The following KCNMA1 variants were observed in gnomAD, a reference collection of about 807,000 sequenced individuals.
KCNMA1 encodes the protein Calcium-activated potassium channel subunit alpha-1.
Under a neutral mutation model 140.0 loss-of-function variants are expected in KCNMA1, and 29 were observed. The observed-to-expected ratio is 0.21, with a 90% CI of 0.15 to 0.28. KCNMA1 has a LOEUF of 0.28. KCNMA1 is among the 10% of genes least tolerant of loss of function. The pLI is 1.00. For missense variants in KCNMA1, 880 were observed against 1,602.2 expected, an observed-to-expected ratio of 0.55 and a Z score of 7.70; for synonymous variants, 612 against 611.9, an observed-to-expected ratio of 1.00 and a Z score of 0.00.
At chr10:77,582,929 C>G (rs2076267784) in intron 1 of KCNMA1, among the ~76,000 whole-genome samples, 1 of 152,256 alleles carries the variant, frequency 6.6e-6, no homozygotes, top group South Asian at 2.1e-4. Context: ...GCACACATGA[C>G]AGGCCACCAG....
intron 19 of KCNMA1, among the ~76,000 whole-genome samples, chr10:76,988,631 A>C (rs942111521): frequency 5.9e-5 from 9 of 152,124 alleles, no homozygotes. Flanking sequence ...TTCTTTCCCC[A>C]TCTGTTCTCC....
At chr10:76,955,237 C>T (rs1240776433) in intron 20 of KCNMA1, among the ~76,000 whole-genome samples, 3 of 145,630 alleles carry the variant, frequency 2.1e-5, no homozygotes, top group African/African-American at 7.6e-5. Flanking sequence ...TCTGCAGAGG[C>T]TGACTTTTAT....
At chr10:77,000,500 G>T (rs1348189989) in intron 19 of KCNMA1, among the ~76,000 whole-genome samples, 2 of 152,114 alleles carry the variant, frequency 1.3e-5, no homozygotes, top group Admixed American at 1.3e-4. Flanking sequence ...GCTACCAGCT[G>T]CATAGCCTTG....
chr10:77,506,596 A>AGAGAGAGAGTGTGT, intron 1 of KCNMA1, among the ~76,000 whole-genome samples: 2,489 of 83,200 alleles, frequency 0.03, 158 homozygotes, highest in African/African-American at 0.087. Flanking sequence ...AGAGAGAGAG[A>AGAGAGAGAGTGTGT]GTGTGTGTGT....
rs2097207312 is a variant in KCNMA1, at chr10:77,106,822, C to T, written c.1223+1659G>A. 2.0e-5 allele frequency among the ~76,000 whole-genome samples: 3 copies of T among 152,246 alleles called. No homozygotes were observed. In the South Asian group the frequency reaches 6.2e-4, roughly 32 times the overall value. On this transcript the variant is annotated intron_variant, in intron 9 of 27. Coordinates refer to ENST00000286628, the MANE Select transcript of KCNMA1 (RefSeq NM_001161352.2). ...GACTTACTTGGCCTTTTGGATCCAA[C>T]CAATGGCCCAGAAATCAGAACAGCT...
At chr10:77,531,826 C>T (rs1308570366) in intron 1 of KCNMA1, among the ~76,000 whole-genome samples, 1 of 152,230 alleles carries the variant, frequency 6.6e-6, no homozygotes, top group Non-Finnish European at 1.5e-5. Context: ...AAAGAGGCAA[C>T]AAGGGACTTG....
At chr10:77,607,154 T>A (rs934362846) in intron 1 of KCNMA1, among the ~76,000 whole-genome samples, 52 of 152,202 alleles carry the variant, frequency 3.4e-4, no homozygotes, top group African/African-American at 1.2e-3. Context: ...CAGAAAAGGG[T>A]CTGAGTAGGA....
chr10:76,947,456 A>T (rs771119672), intron 22 of KCNMA1, among the ~76,000 whole-genome samples: 5 of 152,178 alleles, frequency 3.3e-5, no homozygotes, highest in Non-Finnish European at 5.9e-5. Flanking sequence ...ATCTCTCTCC[A>T]CACACATACA....
chr10:77,307,709 G>C (rs1420572447), intron 2 of KCNMA1, among the ~76,000 whole-genome samples: 8 of 152,124 alleles, frequency 5.3e-5, no homozygotes, highest in Admixed American at 5.2e-4. Context: ...ACCACGCCCA[G>C]CTAATTTTTT....
chr10:77,407,771 G>A (rs7097101), intron 1 of KCNMA1, among the ~76,000 whole-genome samples: 21,550 of 152,142 alleles, frequency 0.14, 1,548 homozygotes, highest in Middle Eastern at 0.21. Context: ...CACAGTCCCG[G>A]GCACACAGTG....
chr10:77,526,472 A>G (rs1567335398), intron 1 of KCNMA1, among the ~76,000 whole-genome samples: 1 of 152,258 alleles, frequency 6.6e-6, no homozygotes, highest in East Asian at 1.9e-4. Flanking sequence ...ACCCTTTCAA[A>G]TAAATGCCTG....
intron 2 of KCNMA1, among the ~76,000 whole-genome samples, chr10:77,402,268 G>C (rs951698585): frequency 2.6e-4 from 39 of 152,158 alleles, no homozygotes; most frequent in African/African-American, 9.4e-4. Context: ...AGGAGAGATA[G>C]AGGTGCTGTT....
At chr10:77,453,949 C>CT in intron 1 of KCNMA1, among the ~76,000 whole-genome samples, 1 of 152,108 alleles carries the variant, frequency 6.6e-6, no homozygotes, top group Non-Finnish European at 1.5e-5. Context: ...AGAATAGCAG[C>CT]GTCTCTGTAG....
intron 1 of KCNMA1, among the ~76,000 whole-genome samples, chr10:77,543,744 C>T (rs2060736847): frequency 6.6e-6 from 1 of 152,016 alleles, no homozygotes; most frequent in Admixed American, 6.5e-5. Flanking sequence ...ATGCTTGAGA[C>T]TAAACAACTC....
intron 2 of KCNMA1, among the ~76,000 whole-genome samples, chr10:77,323,651 AGCAAAGAGT>A (rs1370843605): frequency 2.0e-5 from 3 of 152,234 alleles, no homozygotes; most frequent in Non-Finnish European, 4.4e-5. Context: ...AGTTAGGGAG[AGCAAAGAGT>A]GCTAATTTAG....
chr10:77,554,853 C>A (rs1036515396), intron 1 of KCNMA1, among the ~76,000 whole-genome samples: 5 of 152,030 alleles, frequency 3.3e-5, no homozygotes, highest in African/African-American at 1.2e-4. Flanking sequence ...TCAAACTAGG[C>A]CCTCCTGGGG....
chr10:77,154,385 C>T (rs1597369542), intron 5 of KCNMA1, among the ~76,000 whole-genome samples: 2 of 152,212 alleles, frequency 1.3e-5, no homozygotes, highest in East Asian at 3.8e-4. Flanking sequence ...ACATCCAGCA[C>T]TGTGCAGCCA....
In KCNMA1 at chr10:76,969,346, C is replaced by A. The variant is rs541757787; in HGVS notation, c.2360+628G>T. On this transcript the variant is annotated intron_variant, in intron 20 of 27. Transcript: ENST00000286628. ...GGAAGGAAGGGAGGAAAGGAGGGAA[C>A]ATGTACATGCATGCTGTATTTCATA... Among the ~76,000 whole-genome samples, 32 of 76,566 alleles carry A rather than the reference C, an allele frequency of 4.2e-4. No individual in the cohort carries two copies. The South Asian group carries it at 0.012, about 28-fold the overall frequency. The allele number at this position is 76,566 out of a possible 152,430, so 50.2% of individuals were successfully genotyped here.
chr10:77,275,518 T>C (rs896651201), intron 2 of KCNMA1, among the ~76,000 whole-genome samples: 3 of 152,184 alleles, frequency 2.0e-5, no homozygotes, highest in African/African-American at 7.2e-5. Flanking sequence ...TTGTGTGTTA[T>C]GGACAGAAGC....
Sources: gnomAD v4.1 joint callset for allele counts (sites outside exome capture counted in the v4.1 genomes callset) on GRCh38, gnomAD v4.1.1 for gene constraint, MANE v1.5 for transcripts, NCBI Gene and HGNC (gene_info 2026-07-23, HGNC 2026-07-21) for gene names.